The following CORO2B variants were observed in gnomAD, a reference collection of about 807,000 sequenced individuals.
The protein encoded by CORO2B is coronin 2B, also known as coronin-2B.
Under a neutral mutation model 58.8 loss-of-function variants are expected in CORO2B, and 26 were observed. The ratio of observed to expected loss-of-function variants is 0.44; its 90% CI spans 0.32 to 0.61. CORO2B has a LOEUF of 0.61. Ranked by LOEUF, CORO2B falls within the 20% of genes least tolerant of loss-of-function variation. The pLI, the probability that CORO2B is intolerant of heterozygous loss-of-function variation, is 0.04. For synonymous variants in CORO2B, 242 were observed against 253.8 expected (o/e 0.95, Z 0.44); for missense variants, 460 against 645.1 (o/e 0.71, Z 3.11).
chr15:68,593,880 G>GAGAGAAGAGA (rs971225607), intron 1 of CORO2B, among the ~76,000 whole-genome samples: 5 of 152,068 alleles, frequency 3.3e-5, no homozygotes, highest in African/African-American at 1.2e-4. Flanking sequence ...TGAGAAGGGC[G>GAGAGAAGAGA]AGAGAAGAGA....
chr15:68,539,521 A>G, the CORO2B span, among the ~76,000 whole-genome samples: 1 of 152,076 alleles, frequency 6.6e-6, no homozygotes, highest in East Asian at 1.9e-4. Context: ...AAAAATAAAA[A>G]AAAATTAGCC....
chr15:68,652,430 T>G (rs1355928433), intron 2 of CORO2B, among the ~76,000 whole-genome samples: 1 of 152,166 alleles, frequency 6.6e-6, no homozygotes, highest in African/African-American at 2.4e-5. Context: ...ACCCCTTTCC[T>G]GCTGCACTTC....
At chr15:68,701,163 T>C (rs1417096745) in intron 3 of CORO2B, among the ~76,000 whole-genome samples, 1 of 152,052 alleles carries the variant, frequency 6.6e-6, no homozygotes, top group East Asian at 1.9e-4. Flanking sequence ...GCCGAGTGGG[T>C]CTTCACTAAT....
intron 1 of CORO2B, among the ~76,000 whole-genome samples, chr15:68,620,056 C>T (rs1326153117): frequency 1.3e-5 from 2 of 152,020 alleles, no homozygotes; most frequent in Non-Finnish European, 2.9e-5. Flanking sequence ...GGATTACAGG[C>T]GCACGCCACA....
chr15:68,609,665 C>A (rs1255874481), intron 1 of CORO2B, among the ~76,000 whole-genome samples: 2 of 152,206 alleles, frequency 1.3e-5, no homozygotes, highest in East Asian at 1.9e-4. Context: ...GCTGTCCCCT[C>A]CCCACTGCTC....
chr15:68,543,849 G>T, the CORO2B span, among the ~76,000 whole-genome samples: 1 of 152,004 alleles, frequency 6.6e-6, no homozygotes, highest in Non-Finnish European at 1.5e-5. Context: ...TGCCAAACTG[G>T]GCATCACCCT....
intron 1 of CORO2B, among the ~76,000 whole-genome samples, chr15:68,620,364 G>T (rs930597273): frequency 6.6e-6 from 1 of 152,212 alleles, no homozygotes; most frequent in African/African-American, 2.4e-5. Flanking sequence ...AAATAAACAT[G>T]GTTCGGGTGA....
intron 1 of CORO2B, among the ~76,000 whole-genome samples, chr15:68,634,636 G>T (rs547758841): frequency 2.0e-5 from 3 of 152,188 alleles, no homozygotes; most frequent in South Asian, 4.1e-4. Flanking sequence ...ACCTGGCAAC[G>T]TGTTAGGGAT....
At chr15:68,643,402 C>T (rs1016532672) in intron 1 of CORO2B, among the ~76,000 whole-genome samples, 4 of 152,192 alleles carry the variant, frequency 2.6e-5, no homozygotes, top group African/African-American at 9.6e-5. Context: ...CAGTGACCCA[C>T]CAGCCTCCCA....
chr15:68,577,733 A>G (rs2140549276), upstream of CORO2B, among the ~76,000 whole-genome samples: 1 of 151,702 alleles, frequency 6.6e-6, no homozygotes, highest in African/African-American at 2.4e-5. Flanking sequence ...TCAAAAAAAA[A>G]AAAAAAAAAA....
intron 1 of CORO2B, among the ~76,000 whole-genome samples, chr15:68,614,202 G>C (rs891445806): frequency 6.6e-6 from 1 of 152,144 alleles, no homozygotes; most frequent in South Asian, 2.1e-4. Context: ...TATCAGGGTG[G>C]TTCAGAAACA....
intron 1 of CORO2B, among the ~76,000 whole-genome samples, chr15:68,621,073 A>C (rs1213275066): frequency 6.6e-5 from 10 of 152,162 alleles, no homozygotes; most frequent in Non-Finnish European, 1.3e-4. Flanking sequence ...CTTGGAGTGG[A>C]CGGATGAGAT....
intron 2 of CORO2B, among the ~76,000 whole-genome samples, chr15:68,673,812 G>A (rs183567053): frequency 5.0e-5 from 7 of 140,130 alleles, no homozygotes; most frequent in African/African-American, 1.9e-4. Context: ...ACTCCAGCCT[G>A]GGCAACAGAG....
chr15:68,602,712 A>C (rs950108849), intron 1 of CORO2B, among the ~76,000 whole-genome samples: 1 of 152,176 alleles, frequency 6.6e-6, no homozygotes, highest in African/African-American at 2.4e-5. Flanking sequence ...GTGAGGTGTG[A>C]CTGCCAGTTT....
chr15:68,523,060 A>T, the CORO2B span, among the ~76,000 whole-genome samples: 703 of 152,260 alleles, frequency 4.6e-3, 9 homozygotes, highest in African/African-American at 0.016. Context: ...AGTTGGTTTT[A>T]GTCTTTACAA....
chr15:68,715,327 G>T lies in CORO2B; in HGVS notation c.967+16G>T, dbSNP rs769773459. 11 of 1,571,876 alleles carry T rather than the reference G, an allele frequency of 7.0e-6. No individual in the cohort carries two copies. Among genetic ancestry groups the T allele is most frequent in the Middle Eastern group, 3.3e-4 (2 of 5,996 alleles). On this transcript the variant is annotated intron_variant, in intron 8 of 11. Transcript: ENST00000261861. ...AAAGGCCTAGGTAAGTGGCCCCGAG[G>T]CTGCCACAGCTGGTGTGCTCATGGC...
chr15:68,652,927 A>G (rs1901686318), intron 2 of CORO2B, among the ~76,000 whole-genome samples: 2 of 152,198 alleles, frequency 1.3e-5, no homozygotes, highest in South Asian at 4.1e-4. Flanking sequence ...TATTACTGCC[A>G]TTTGGATGTC....
At chr15:68,631,562 C>T (rs182853354) in intron 1 of CORO2B, among the ~76,000 whole-genome samples, 3 of 152,272 alleles carry the variant, frequency 2.0e-5, no homozygotes, top group East Asian at 1.9e-4. Context: ...GCCAGGAAGT[C>T]GGCAACCTTT....
At chr15:68,707,053 C>G (rs1892802068) in intron 3 of CORO2B, among the ~76,000 whole-genome samples, 1 of 152,128 alleles carries the variant, frequency 6.6e-6, no homozygotes, top group East Asian at 1.9e-4. Context: ...CTCCACCTCC[C>G]AGGTTCCAGC....
Sources: allele counts gnomAD v4.1 joint callset (sites outside exome capture counted in the v4.1 genomes callset), GRCh38; gene constraint gnomAD v4.1.1; transcripts MANE v1.5; gene names NCBI Gene and HGNC (gene_info 2026-07-23, HGNC 2026-07-21).